U2AF2: variants seen among roughly 807,000 people sequenced by gnomAD.
U2AF2 encodes the protein U2 small nuclear RNA auxiliary factor 2.
Under a neutral mutation model 52.6 loss-of-function variants are expected in U2AF2, and 6 were observed. The ratio of observed to expected loss-of-function variants is 0.11; its 90% CI spans 0.06 to 0.23. The LOEUF (loss-of-function observed/expected upper bound fraction) is 0.23. Ranked by LOEUF, U2AF2 falls within the 10% of genes least tolerant of loss-of-function variation. The pLI, the probability that U2AF2 is intolerant of heterozygous loss-of-function variation, is 1.00. For missense variants in U2AF2, 222 were observed against 677.1 expected, an observed-to-expected ratio of 0.33 and a Z score of 7.46; for synonymous variants, 284 against 258.2, an observed-to-expected ratio of 1.10 and a Z score of -0.96.
Position 55,660,518 on chromosome 19 carries a change from GTT to G in U2AF2, c.234_235del (p.Ser79ProfsTer11). On this transcript the variant is annotated frameshift_variant, in exon 4 of 12. Coordinates refer to ENST00000308924, the MANE Select transcript of U2AF2 (RefSeq NM_007279.3). LOFTEE classifies it high-confidence loss of function. ...CTCTCCCCTCCCACCTCCCCCAGTCGTTCCCCCCGCCACGAGAAGAAGAAGAA... is the reference window on the plus strand; with the variant it reads ...CTCTCCCCTCCCACCTCCCCCAGTCGCCCCCCGCCACGAGAAGAAGAAGAA... 1 of 1,376,504 alleles carries G rather than the reference GTT, an allele frequency of 7.3e-7. No individual in the cohort carries two copies. The highest frequency in any genetic ancestry group is 9.6e-7 in the Non-Finnish European group (1 of 1,037,958). 85.3% of individuals were successfully genotyped at this position (1,376,504 alleles called of 1,614,324 possible).
Position 55,668,627 on chromosome 19 carries a change from G to T in U2AF2, c.822+41G>T, listed in dbSNP as rs748912823. The T allele has an allele frequency of 3.1e-6, 2 of 642,194 alleles. No individual in the cohort carries two copies. Among genetic ancestry groups the T allele is most frequent in the Admixed American group, 2.5e-5 (1 of 39,588 alleles). 39.8% of individuals were successfully genotyped at this position (642,194 alleles called of 1,614,324 possible). Reference sequence around the variant, plus strand: ...CCCTCCAGACCCGTCCCCCCACCCCGCCCCACCTCATCCCAGCCCTGATGG... The same window carrying T: ...CCCTCCAGACCCGTCCCCCCACCCCTCCCCACCTCATCCCAGCCCTGATGG... On this transcript the variant is annotated intron_variant, in intron 8 of 11. Coordinates refer to ENST00000308924, the MANE Select transcript of U2AF2 (RefSeq NM_007279.3). This position sits in a 1 kb window ranked among gnomAD's most constrained non-coding sequence, Gnocchi z 5.5.
At chr19:55,662,480 T>A in intron 5 of U2AF2, 22 bp from the exon 6 acceptor site, 219 of 291,578 alleles carry the variant, frequency 7.5e-4, no homozygotes, top group Non-Finnish European at 1.3e-3. Flanking sequence ...GCCCCCCCCC[T>A]TGTCTCCTAT....
At chr19:55,656,942 A>G (rs1366975183) in intron 1 of U2AF2, among the ~76,000 whole-genome samples, 1 of 152,266 alleles carries the variant, frequency 6.6e-6, no homozygotes, top group Non-Finnish European at 1.5e-5. Context: ...TCATTCTGCC[A>G]CACAACACCT....
At chr19:55,672,766 G>C (rs1274750038) in intron 11 of U2AF2, among the ~76,000 whole-genome samples, 2 of 138,370 alleles carry the variant, frequency 1.4e-5, no homozygotes, top group Non-Finnish European at 3.0e-5. Flanking sequence ...TCTCGCTGTT[G>C]CCCAGGCTGG....
intron 6 of U2AF2, 114 bp downstream of exon 6, chr19:55,662,732 C>G: frequency 1.2e-6 from 1 of 858,666 alleles, no homozygotes; most frequent in East Asian, 2.5e-5. Context: ...CCTCTGCAGC[C>G]TCTTCTCCAC....
chr19:55,655,210 G>GC lies in U2AF2; in HGVS notation c.49+64dup, dbSNP rs993850077. Reference sequence around the variant, plus strand: ...TGGGCGGCTCCTCGCGTCGCTCTTTGCCCCCCCGCCATTTTCTCCCTCGCT... The same window carrying GC: ...TGGGCGGCTCCTCGCGTCGCTCTTTGCCCCCCCCGCCATTTTCTCCCTCGCT... On this transcript the variant is annotated intron_variant, in intron 1 of 11. Coordinates refer to ENST00000308924, the MANE Select transcript of U2AF2 (RefSeq NM_007279.3). The GC allele has an allele frequency of 2.1e-3, 3,124 of 1,506,698 alleles. 7 individuals carry two copies. The highest frequency in any genetic ancestry group is 2.1e-3 in the Non-Finnish European group (2,323 of 1,123,742). The allele number at this position is 1,506,698 out of a possible 1,614,324, so 93.3% of individuals were successfully genotyped here. A position where few individuals can be genotyped will look rare whatever the true frequency, so the allele number is the denominator to read the frequency against.
At chr19:55,658,408 G>A (rs919337084) in intron 1 of U2AF2, among the ~76,000 whole-genome samples, 1 of 151,752 alleles carries the variant, frequency 6.6e-6, no homozygotes, top group African/African-American at 2.4e-5. Context: ...GTGAGGCTCC[G>A]TTCCTAGTGG....
chr19:55,672,802 T>C (rs1440258555), intron 11 of U2AF2, among the ~76,000 whole-genome samples: 2 of 148,100 alleles, frequency 1.4e-5, no homozygotes, highest in African/African-American at 5.1e-5. Context: ...CCACCACACC[T>C]GGTTAATTTT....
At chr19:55,663,830 T>C (rs1302436313) in intron 7 of U2AF2, 86 bp downstream of exon 7, 4 of 1,570,736 alleles carry the variant, frequency 2.5e-6, no homozygotes, top group Admixed American at 1.8e-5. Flanking sequence ...CTGGAGTGGC[T>C]TAGGAAGTTG....
At chr19:55,660,688 C>T (rs1984126318) in intron 4 of U2AF2, 69 bp downstream of exon 4, 5 of 1,441,368 alleles carry the variant, frequency 3.5e-6, no homozygotes, top group African/African-American at 1.4e-5. Context: ...TCAGTCATTC[C>T]CCTGCGTGTG....
chr19:55,665,246 G>A (rs1007168221), intron 7 of U2AF2, among the ~76,000 whole-genome samples: 58 of 152,160 alleles, frequency 3.8e-4, no homozygotes, highest in Non-Finnish European at 6.2e-4. Context: ...TGTGTCAGGC[G>A]CTGTCCTAAG....
chr19:55,660,488 C>T (rs748219677), intron 3 of U2AF2, 28 bp from the exon 4 acceptor site: 4 of 991,084 alleles, frequency 4.0e-6, no homozygotes, highest in Admixed American at 3.9e-5. Context: ...GGTTGCCCTG[C>T]CCCGCTCTCC....
At position 55,655,042 on chromosome 19, in the gene U2AF2, G is replaced by A. The variant is rs1418513791; in HGVS notation, c.-63G>A. On this transcript the variant is annotated 5_prime_UTR_variant, in exon 1 of 12. Transcript: ENST00000308924. ...GAAGCCAGCGGCGGAAGTAGCCGAAGCGGCTGGAGCGGGCGGCAAGGCGAG... is the reference window on the plus strand; with the variant it reads ...GAAGCCAGCGGCGGAAGTAGCCGAAACGGCTGGAGCGGGCGGCAAGGCGAG... The A allele has an allele frequency of 1.9e-5, 30 of 1,591,128 alleles. No individual in the cohort carries two copies. Among genetic ancestry groups the A allele is most frequent in the Non-Finnish European group, 2.4e-5 (28 of 1,169,444 alleles).
rs377568330 is a variant in U2AF2 at position 55,655,079 on chromosome 19, A to T, written c.-26A>T. 14 of 1,606,408 alleles carry T rather than the reference A, an allele frequency of 8.7e-6. No homozygotes were observed. Among genetic ancestry groups the T allele is most frequent in the Middle Eastern group, 1.7e-4 (1 of 5,978 alleles). Reference sequence around the variant, plus strand: ...GGCGGCAAGGCGAGGCGAAAGCTGCACAGGGCCCTACGCGGCCGCCTCAGC... The same window carrying T: ...GGCGGCAAGGCGAGGCGAAAGCTGCTCAGGGCCCTACGCGGCCGCCTCAGC... On this transcript the variant is annotated 5_prime_UTR_variant, in exon 1 of 12. Transcript: ENST00000308924.
chr19:55,669,712 A>G lies in U2AF2; in HGVS notation c.1293+20A>G, dbSNP rs1205978671. 3 of 1,581,550 alleles carry G rather than the reference A, an allele frequency of 1.9e-6. No individual in the cohort carries two copies. The highest frequency in any genetic ancestry group is 3.4e-5 in the Admixed American group (2 of 58,128). Reference sequence around the variant, plus strand: ...GGAAAGGTCAGGAGGCCTCGGGCTCAGTGCTCTCTCACCCTCTGCCCCTCC... The same window carrying G: ...GGAAAGGTCAGGAGGCCTCGGGCTCGGTGCTCTCTCACCCTCTGCCCCTCC... On this transcript the variant is annotated intron_variant, in intron 11 of 11. Transcript: ENST00000308924.
At chr19:55,662,651 C>T (rs763413574) in intron 6 of U2AF2, 33 bp downstream of exon 6, 59 of 1,585,424 alleles carry the variant, frequency 3.7e-5, no homozygotes, top group African/African-American at 4.0e-5. Flanking sequence ...GTCCAGGAAA[C>T]GTGTGTGATG....
intron 6 of U2AF2, among the ~76,000 whole-genome samples, 188 bp from the exon 7 acceptor site, chr19:55,663,418 T>C (rs1029322894): frequency 6.6e-6 from 1 of 152,216 alleles, no homozygotes; most frequent in African/African-American, 2.4e-5. Flanking sequence ...GTGTTTTTAA[T>C]GGTCGAGTGT....
chr19:55,655,439 C>A (rs111241974), intron 1 of U2AF2, among the ~76,000 whole-genome samples: 2 of 152,216 alleles, frequency 1.3e-5, no homozygotes, highest in Non-Finnish European at 2.9e-5. Flanking sequence ...GCGGCACGAG[C>A]GCGCCAGATG....
rs1035157495 is a variant in U2AF2 at position 55,672,470 on chromosome 19, G to T, written c.1294-1464G>T. On this transcript the variant is annotated intron_variant, in intron 11 of 11. Coordinates refer to ENST00000308924, the MANE Select transcript of U2AF2 (RefSeq NM_007279.3). ...TTCTCTGTGGGGGCCTTTGCTGTGC[G>T]TTGTAGGATATTGAGATGTATCCCC... Among the ~76,000 whole-genome samples, 6 of 152,022 alleles carry T rather than the reference G, an allele frequency of 3.9e-5. No homozygotes were observed. The East Asian group carries it at 9.7e-4, about 24-fold the overall frequency.
Sources: allele counts gnomAD v4.1 joint callset (sites outside exome capture counted in the v4.1 genomes callset), GRCh38; gene constraint gnomAD v4.1.1; non-coding constraint Gnocchi (gnomAD v3.1); transcripts MANE v1.5; gene names NCBI Gene and HGNC (gene_info 2026-07-23, HGNC 2026-07-21).